ZFYVE9: variants seen among roughly 807,000 people sequenced by gnomAD.
The protein encoded by ZFYVE9 is zinc finger FYVE-type containing 9, also known as zinc finger FYVE domain-containing protein 9.
A neutral mutation model predicts 126.7 loss-of-function variants in ZFYVE9; 43 were observed. The ratio of observed to expected loss-of-function variants is 0.34; its 90% CI spans 0.27 to 0.44. The LOEUF is 0.44. Among genes scored for constraint, ZFYVE9 ranks in the 20% least tolerant of loss-of-function variants. The pLI is 1.00. For missense variants in ZFYVE9, 1,476 were observed against 1,697.0 expected, an observed-to-expected ratio of 0.87 and a Z score of 2.29; for synonymous variants, 521 against 597.4, an observed-to-expected ratio of 0.87 and a Z score of 1.87.
At chr1:52,343,053 C>T (rs1381972260) in intron 17 of ZFYVE9, among the ~76,000 whole-genome samples, 1 of 151,868 alleles carries the variant, frequency 6.6e-6, no homozygotes, top group African/African-American at 2.4e-5. Flanking sequence ...ACCATAGGCA[C>T]CTGCCACCAC....
intron 1 of ZFYVE9, chr1:52,160,337 A>C (rs1218429190): frequency 2.1e-5 from 24 of 1,122,054 alleles, no homozygotes; most frequent in Non-Finnish European, 2.7e-5. Flanking sequence ...CTCAAAAGAC[A>C]GATTGTGAGT....
intron 1 of ZFYVE9, among the ~76,000 whole-genome samples, chr1:52,160,024 T>C (rs1644441521): frequency 1.3e-5 from 2 of 151,998 alleles, no homozygotes; most frequent in Admixed American, 1.3e-4. Context: ...TACTTTTATG[T>C]TAAAATATTC....
chr1:52,281,807 G>C lies in ZFYVE9; in HGVS notation c.3016G>C (p.Ala1006Pro). The C allele has an allele frequency of 1.2e-6, 2 of 1,614,148 alleles. No individual in the cohort carries two copies. Among genetic ancestry groups the C allele is most frequent in the Non-Finnish European group, 1.7e-6 (2 of 1,180,018 alleles). ...TCACTTTGTGCAGCTTTATCGGGAT[G>C]CTCTGGCAGGTAGGAATGCTTTATG... Reference protein sequence around the residue: ...FNHFVQLYRDALAGNVVSNLG... With the variant: ...FNHFVQLYRDPLAGNVVSNLG... Residue 1006 changes from alanine to proline, a missense_variant, in exon 10 of 19, where the codon GCT becomes CCT. Transcript: ENST00000287727.
chr1:52,190,349 G>GA (rs1195221451), intron 1 of ZFYVE9: 1 of 152,148 alleles, frequency 6.6e-6, no homozygotes, highest in African/African-American at 2.4e-5. Context: ...TGTTACTGTT[G>GA]AATTGTCTAT....
At chr1:52,344,732 G>T in intron 17 of ZFYVE9, 36 bp from the exon 18 acceptor site, 2 of 1,607,494 alleles carry the variant, frequency 1.2e-6, no homozygotes, top group South Asian at 2.2e-5. Flanking sequence ...CAAAATCTAG[G>T]CACAAGTTTA....
intron 3 of ZFYVE9, among the ~76,000 whole-genome samples, chr1:52,234,336 C>G (rs1439459930): frequency 6.6e-6 from 1 of 152,134 alleles, no homozygotes; most frequent in Admixed American, 6.5e-5. Context: ...GGTGGCACAC[C>G]TGTGGTCCCA....
chr1:52,180,076 A>G, intron 1 of ZFYVE9: 1 of 855,368 alleles, frequency 1.2e-6, no homozygotes, highest in Non-Finnish European at 2.0e-6. Flanking sequence ...AGACTGGCTG[A>G]GTGGAAAGCA....
At chr1:52,171,830 T>A (rs1644573392) in intron 1 of ZFYVE9, among the ~76,000 whole-genome samples, 1 of 152,188 alleles carries the variant, frequency 6.6e-6, no homozygotes, top group Non-Finnish European at 1.5e-5. Context: ...ATCCTTTGCC[T>A]GCTTTTTGAT....
At chr1:52,328,875 G>A (rs1646315014) in intron 13 of ZFYVE9, among the ~76,000 whole-genome samples, 1 of 152,172 alleles carries the variant, frequency 6.6e-6, no homozygotes, top group Admixed American at 6.5e-5. Context: ...AAATATCAGT[G>A]TAAGAGGAGT....
chr1:52,202,717 A>C (rs1644935551), intron 1 of ZFYVE9, among the ~76,000 whole-genome samples: 1 of 151,780 alleles, frequency 6.6e-6, no homozygotes, highest in Non-Finnish European at 1.5e-5. Context: ...ATGAAGTCTT[A>C]CTCTGTCACC....
At chr1:52,274,342 G>A (rs940662041) in intron 7 of ZFYVE9, 122 bp from the exon 8 acceptor site, 17 of 1,216,888 alleles carry the variant, frequency 1.4e-5, no homozygotes, top group Middle Eastern at 6.0e-4. Flanking sequence ...AATATTTTGT[G>A]CTACCTTTCA....
chr1:52,333,975 C>G (rs1309606588), intron 14 of ZFYVE9, among the ~76,000 whole-genome samples: 15 of 152,058 alleles, frequency 9.9e-5, no homozygotes, highest in Admixed American at 9.8e-4. Flanking sequence ...TGCCTGTAGT[C>G]CCAGCTACTC....
chr1:52,275,569 A>G (rs1645737231), intron 8 of ZFYVE9, among the ~76,000 whole-genome samples: 1 of 152,094 alleles, frequency 6.6e-6, no homozygotes. Flanking sequence ...TTGACTTTTT[A>G]ATAATAGCCA....
At chr1:52,150,507 CT>C (rs1644345761) in intron 1 of ZFYVE9, 1 of 152,114 alleles carries the variant, frequency 6.6e-6, no homozygotes, top group Non-Finnish European at 1.5e-5. Flanking sequence ...TGGCTCATGC[CT>C]GTAATCCCAA....
At chr1:52,288,948 A>G (rs1266287407) in intron 10 of ZFYVE9, among the ~76,000 whole-genome samples, 1 of 149,704 alleles carries the variant, frequency 6.7e-6, no homozygotes, top group Non-Finnish European at 1.5e-5. Context: ...AAAAAAAAAG[A>G]AAAAGAAATA....
chr1:52,268,446 T>A lies in ZFYVE9; in HGVS notation c.2456-17T>A, dbSNP rs374868310. ...AATGCCACATTGATGCCTGTTTTAT[T>A]TTTCTGGCCCCTCAAGTGGCTCAGC... On this transcript the variant is annotated splice_polypyrimidine_tract_variant and intron_variant, in intron 6 of 18. Coordinates refer to ENST00000287727, the MANE Select transcript of ZFYVE9 (RefSeq NM_004799.4). The A allele has an allele frequency of 1.7e-4, 273 of 1,604,304 alleles. No individual in the cohort carries two copies. The highest frequency in any genetic ancestry group is 3.4e-4 in the Admixed American group (20 of 59,530).
At chr1:52,279,353 A>G (rs186062384) in intron 9 of ZFYVE9, among the ~76,000 whole-genome samples, 1 of 152,322 alleles carries the variant, frequency 6.6e-6, no homozygotes, top group East Asian at 1.9e-4. Context: ...TTATTTAGGA[A>G]AAGTGTTAAC....
intron 2 of ZFYVE9, among the ~76,000 whole-genome samples, chr1:52,218,615 CA>C (rs1645094481): frequency 6.6e-6 from 1 of 152,188 alleles, no homozygotes; most frequent in Non-Finnish European, 1.5e-5. Flanking sequence ...GCCTGTTGCA[CA>C]AGCGTAACAA....
chr1:52,254,542 G>A (rs1031127305), intron 4 of ZFYVE9, among the ~76,000 whole-genome samples: 1 of 152,030 alleles, frequency 6.6e-6, no homozygotes, highest in Non-Finnish European at 1.5e-5. Flanking sequence ...AAAAGGGGAC[G>A]TATGTTCCAA....
Sources: allele counts gnomAD v4.1 joint callset (sites outside exome capture counted in the v4.1 genomes callset), GRCh38; gene constraint gnomAD v4.1.1; transcripts MANE v1.5; gene names NCBI Gene and HGNC (gene_info 2026-07-23, HGNC 2026-07-21).